TSGA10: variants seen among roughly 807,000 people sequenced by gnomAD.
TSGA10 encodes testis specific 10, also known as testis-specific gene 10 protein.
In TSGA10, 43 loss-of-function variants were observed where a neutral mutation model predicts 96.6. The observed-to-expected ratio is 0.44, with a 90% CI of 0.35 to 0.57. The LOEUF is 0.57. Among genes scored for constraint, TSGA10 ranks in the 20% least tolerant of loss-of-function variants. The pLI, the probability that TSGA10 is intolerant of heterozygous loss-of-function variation, is 0.01. For missense variants in TSGA10, 703 were observed against 834.4 expected (o/e 0.84, Z 1.94); for synonymous variants, 229 against 269.9 (o/e 0.85, Z 1.48).
Position 99,096,985 on chromosome 2 carries a change from C to T in TSGA10, c.611+6982G>A, listed in dbSNP as rs1349657178. On this transcript the variant is annotated intron_variant, in intron 10 of 20. Transcript: ENST00000393483. ...TAACCAAATTAATGCATATAGAAACCATGCAAAGTGGGGACTCCCTCTAAG... is the reference window on the plus strand; with the variant it reads ...TAACCAAATTAATGCATATAGAAACTATGCAAAGTGGGGACTCCCTCTAAG... Among the ~76,000 whole-genome samples the T allele has an allele frequency of 3.9e-5, 6 of 152,180 alleles. No homozygotes were observed. The East Asian group carries it at 1.2e-3, about 29-fold the overall frequency.
At chr2:99,150,981 T>C in intron 1 of TSGA10, 1 of 530,940 alleles carries the variant, frequency 1.9e-6, no homozygotes, top group South Asian at 3.5e-5. Context: ...CATCTTACAC[T>C]GCATTTTTTT....
intron 10 of TSGA10, among the ~76,000 whole-genome samples, chr2:99,092,466 A>G (rs1434320818): frequency 6.6e-6 from 1 of 152,032 alleles, no homozygotes; most frequent in Non-Finnish European, 1.5e-5. Flanking sequence ...GCAACAAAAA[A>G]CACAAAAAAA....
intron 2 of TSGA10, among the ~76,000 whole-genome samples, chr2:99,124,226 G>A (rs2092713928): frequency 6.6e-6 from 1 of 152,132 alleles, no homozygotes; most frequent in African/African-American, 2.4e-5. Flanking sequence ...TGATGATGTT[G>A]AGCATCTTTT....
chr2:99,063,781 G>A (rs932129070), intron 16 of TSGA10, among the ~76,000 whole-genome samples: 4 of 151,746 alleles, frequency 2.6e-5, no homozygotes, highest in African/African-American at 9.7e-5. Context: ...ACTCCAGCCT[G>A]GCGACAGAGC....
intron 10 of TSGA10, among the ~76,000 whole-genome samples, chr2:99,085,609 T>TAAAAAA (rs200309936): frequency 5.0e-4 from 26 of 52,466 alleles, no homozygotes; most frequent in African/African-American, 2.4e-3. Flanking sequence ...ATCCTGTCTT[T>TAAAAAA]AAAAAAAAAA....
intron 10 of TSGA10, among the ~76,000 whole-genome samples, chr2:99,086,975 A>C (rs1048062251): frequency 9.3e-5 from 14 of 151,146 alleles, no homozygotes; most frequent in East Asian, 2.0e-4. Flanking sequence ...GAGGCCAAGG[A>C]GGGCGAATCA....
At chr2:99,099,354 T>G (rs1319520213) in intron 10 of TSGA10, among the ~76,000 whole-genome samples, 2 of 152,054 alleles carry the variant, frequency 1.3e-5, no homozygotes, top group Non-Finnish European at 2.9e-5. Context: ...GAAAGGTAAA[T>G]TATCAGCCAA....
intron 1 of TSGA10, chr2:99,147,132 A>G (rs2093640363): frequency 4.1e-6 from 1 of 246,752 alleles, no homozygotes; most frequent in Non-Finnish European, 7.7e-6. Flanking sequence ...GGTTATTTTT[A>G]TTACTTTCAC....
intron 17 of TSGA10, among the ~76,000 whole-genome samples, chr2:99,022,371 C>G (rs2080126744): frequency 1.4e-5 from 2 of 146,528 alleles, no homozygotes; most frequent in South Asian, 4.4e-4. Context: ...ACAGAACGTT[C>G]TCTGGCCCTA....
intron 17 of TSGA10, among the ~76,000 whole-genome samples, chr2:99,031,040 T>C (rs2081082385): frequency 6.6e-6 from 1 of 150,410 alleles, no homozygotes; most frequent in Admixed American, 6.6e-5. Context: ...CCTAAAACAA[T>C]TTTGAAAAAA....
intron 16 of TSGA10, among the ~76,000 whole-genome samples, chr2:99,046,454 A>G (rs1480202309): frequency 6.6e-6 from 1 of 152,180 alleles, no homozygotes; most frequent in Admixed American, 6.5e-5. Context: ...AAACTGAACA[A>G]CCTGCTCCTG....
At chr2:99,144,310 C>A (rs1303122257) in intron 1 of TSGA10, among the ~76,000 whole-genome samples, 1 of 152,062 alleles carries the variant, frequency 6.6e-6, no homozygotes, top group Non-Finnish European at 1.5e-5. Context: ...CATGAGCCAC[C>A]GCGCCCGGCC....
At chr2:99,063,748 G>A (rs1207182056) in intron 16 of TSGA10, among the ~76,000 whole-genome samples, 1 of 137,302 alleles carries the variant, frequency 7.3e-6, no homozygotes, top group African/African-American at 3.1e-5. Flanking sequence ...GGAGGTTGCA[G>A]TGAGCCAAGA....
Position 99,018,181 on chromosome 2 carries a change from G to T in TSGA10, c.2072+19C>A. ...ACTGCTATTTGATCTCAAGAGAATGGATCCTTAAATAGACTCACTCTTCTA... is the reference window on the plus strand; with the variant it reads ...ACTGCTATTTGATCTCAAGAGAATGTATCCTTAAATAGACTCACTCTTCTA... On this transcript the variant is annotated intron_variant, in intron 20 of 20. Transcript: ENST00000393483. 6.2e-7 allele frequency: 1 copy of T among 1,613,290 alleles called. No individual in the cohort carries two copies. Among genetic ancestry groups the T allele is most frequent in the Non-Finnish European group, 8.5e-7 (1 of 1,179,710 alleles).
rs763055403 is a variant in TSGA10, at chr2:99,065,044, T to C, written c.1299A>G (p.Gln433=). 4.3e-6 allele frequency: 7 copies of C among 1,614,044 alleles called. No homozygotes were observed. The South Asian group carries it at 5.5e-5, about 13-fold the overall frequency. The change falls in exon 16 of 21, where the codon CAA becomes CAG. Residue 433 remains glutamine (Q), a synonymous_variant. Coordinates refer to ENST00000393483, the MANE Select transcript of TSGA10 (RefSeq NM_025244.4). The part of the protein sequence containing the change: ...DAENWENKAR[Q]SEADNNTLKL... Reference sequence around the variant, plus strand: ...TGAGGGTATTGTTATCTGCCTCTGATTGACGGGCTTTATTTTCCCAGTTTT... The same window carrying C: ...TGAGGGTATTGTTATCTGCCTCTGACTGACGGGCTTTATTTTCCCAGTTTT...
chr2:99,121,664 G>A (rs1048087444), intron 2 of TSGA10, among the ~76,000 whole-genome samples: 1 of 151,920 alleles, frequency 6.6e-6, no homozygotes, highest in African/African-American at 2.4e-5. Flanking sequence ...TAGAGATGGG[G>A]TTTTGCCATG....
At chr2:99,081,093 G>T (rs909264464) in intron 11 of TSGA10, among the ~76,000 whole-genome samples, 189 bp downstream of exon 11, 1 of 152,048 alleles carries the variant, frequency 6.6e-6, no homozygotes, top group Non-Finnish European at 1.5e-5. Context: ...TTATCACTAA[G>T]TACTTATGGT....
intron 10 of TSGA10, among the ~76,000 whole-genome samples, chr2:99,087,501 C>T (rs937951591): frequency 2.6e-5 from 4 of 152,136 alleles, no homozygotes; most frequent in Non-Finnish European, 5.9e-5. Context: ...AGTAAAACGC[C>T]GTCTGAACAA....
chr2:99,071,607 C>T, intron 14 of TSGA10, 99 bp downstream of exon 14: 1 of 1,114,916 alleles, frequency 9.0e-7, no homozygotes, highest in Non-Finnish European at 1.3e-6. Context: ...AGGCTAGTTC[C>T]AGTGTCTGAG....
Sources: allele counts gnomAD v4.1 joint callset (sites outside exome capture counted in the v4.1 genomes callset), GRCh38; gene constraint gnomAD v4.1.1; transcripts MANE v1.5; gene names NCBI Gene and HGNC (gene_info 2026-07-23, HGNC 2026-07-21).